MTUS1: variants seen among roughly 807,000 people sequenced by gnomAD.
MTUS1 encodes the protein microtubule associated scaffold protein 1, also known as microtubule-associated tumor suppressor 1.
In MTUS1, 109 loss-of-function variants were observed where a neutral mutation model predicts 120.8. The observed-to-expected ratio is 0.90, with a 90% CI of 0.77 to 1.06. The LOEUF (loss-of-function observed/expected upper bound fraction) is 1.06. Among genes scored for constraint, MTUS1 ranks in the 50% least tolerant of loss-of-function variants. The pLI is 0.00. For missense variants in MTUS1, 2,210 were observed against 1,486.3 expected (o/e 1.49, Z -8.01); for synonymous variants, 737 against 550.5 (o/e 1.34, Z -4.74).
At position 17,656,000 on chromosome 8, in the gene MTUS1, C is replaced by A; in HGVS notation, c.2971G>T (p.Ala991Ser). ...ARNELQTVYE[A>S]FVQQHQAEKT... is the part of the protein sequence containing the mutation. ...TCAGCCTGGTGCTGCTGGACGAATG[C>A]TTCATACACTGTTTGTAACTCATTC... Residue 991 changes from alanine to serine, a missense_variant, in exon 9 of 15, where the codon GCA becomes TCA. Transcript: ENST00000693296. 1 of 1,614,200 alleles carries A rather than the reference C, an allele frequency of 6.2e-7. No individual in the cohort carries two copies. Among genetic ancestry groups the A allele is most frequent in the African/African-American group, 1.3e-5 (1 of 75,058 alleles).
intron 8 of MTUS1, among the ~76,000 whole-genome samples, chr8:17,671,104 T>C (rs1040783238): frequency 1.3e-5 from 2 of 152,136 alleles, no homozygotes; most frequent in Admixed American, 1.3e-4. Context: ...ATGGAATAAT[T>C]AGCATTCCGC....
intron 8 of MTUS1, among the ~76,000 whole-genome samples, chr8:17,667,647 A>C (rs1216318198): frequency 2.0e-5 from 3 of 152,266 alleles, no homozygotes; most frequent in Admixed American, 6.5e-5. Context: ...AGTAGCTATC[A>C]ATGCAAACGA....
intron 6 of MTUS1, among the ~76,000 whole-genome samples, chr8:17,701,743 G>A (rs1025664350): frequency 8.6e-5 from 13 of 152,014 alleles, no homozygotes; most frequent in African/African-American, 2.9e-4. Flanking sequence ...TAGAGACAGG[G>A]TTTCACCGTG....
rs1554533204 is a variant in MTUS1 at position 17,767,700 on chromosome 8, T to TAAGAAAAAAAAAAAAAAAAAAAAAAAAAA, written c.-154-11740_-154-11739insTTTTTTTTTTTTTTTTTTTTTTTTTTCTT. Among the ~76,000 whole-genome samples, 7 of 87,874 alleles carry TAAGAAAAAAAAAAAAAAAAAAAAAAAAAA rather than the reference T, an allele frequency of 8.0e-5. 3 individuals are homozygous for TAAGAAAAAAAAAAAAAAAAAAAAAAAAAA. The highest frequency in any genetic ancestry group is 3.6e-4 in the African/African-American group (7 of 19,664). The allele number at this position is 87,874 out of a possible 152,430, so 57.6% of individuals were successfully genotyped here. ...GGTGATAGAGCAAGACCCTGTCTCTTAAAAAAAAAAAAAAAAAACGGTGTG... is the reference window on the plus strand; with the variant it reads ...GGTGATAGAGCAAGACCCTGTCTCTTAAGAAAAAAAAAAAAAAAAAAAAAAAAAAAAAAAAAAAAAAAAAAAACGGTGTG... On this transcript the variant is annotated intron_variant, in intron 1 of 14. Coordinates refer to ENST00000693296, the MANE Select transcript of MTUS1 (RefSeq NM_001363059.2).
intron 6 of MTUS1, among the ~76,000 whole-genome samples, chr8:17,698,323 A>T (rs968217518): frequency 3.9e-5 from 6 of 152,222 alleles, no homozygotes; most frequent in African/African-American, 1.4e-4. Context: ...ATCTTTTGCC[A>T]GTTATCTACT....
At chr8:17,659,933 T>C (rs1029505076) in intron 8 of MTUS1, among the ~76,000 whole-genome samples, 1 of 152,160 alleles carries the variant, frequency 6.6e-6, no homozygotes, top group Admixed American at 6.5e-5. Context: ...TCTTTCTCTA[T>C]GAATCTGACC....
chr8:17,767,626 G>A (rs544820643), intron 1 of MTUS1, among the ~76,000 whole-genome samples: 62 of 149,466 alleles, frequency 4.1e-4, no homozygotes, highest in African/African-American at 1.4e-3. Flanking sequence ...CTGAGCCCAG[G>A]ATTTCGAGGT....
intron 6 of MTUS1, among the ~76,000 whole-genome samples, chr8:17,687,771 C>A (rs1270170522): frequency 6.6e-6 from 1 of 152,192 alleles, no homozygotes; most frequent in Admixed American, 6.5e-5. Flanking sequence ...TGGAAAGCAG[C>A]TGGATGACCC....
At chr8:17,658,436 A>G (rs11203883) in intron 8 of MTUS1, among the ~76,000 whole-genome samples, 3,873 of 152,316 alleles carry the variant, frequency 0.025, 117 homozygotes, top group African/African-American at 0.07. Context: ...ATATGTACAC[A>G]CACTACAATA....
Position 17,724,191 on chromosome 8 carries a change from C to A in MTUS1, c.2288-358G>T, listed in dbSNP as rs2904724. 21 of 448,074 alleles carry A rather than the reference C, an allele frequency of 4.7e-5. 1 individual carries two copies. The highest frequency in any genetic ancestry group is 3.1e-4 in the South Asian group (19 of 61,386). The allele number at this position is 448,074 out of a possible 1,614,324, so 27.8% of individuals were successfully genotyped here. A position where few individuals can be genotyped will look rare whatever the true frequency, so the allele number is the denominator to read the frequency against. ...AAATAAAAAAATAAACAAATTGATA[C>A]GACCCCCCATACTGGTGACTAAAAA... On this transcript the variant is annotated intron_variant, in intron 3 of 14. Coordinates refer to ENST00000693296, the MANE Select transcript of MTUS1 (RefSeq NM_001363059.2).
At chr8:17,732,086 C>A (rs939389468) in intron 3 of MTUS1, among the ~76,000 whole-genome samples, 15 of 152,210 alleles carry the variant, frequency 9.9e-5, no homozygotes, top group Admixed American at 1.3e-4. Context: ...TTGCTTCCAG[C>A]CTTTGAATGC....
At chr8:17,683,438 A>G (rs1266491386) in intron 7 of MTUS1, among the ~76,000 whole-genome samples, 1 of 152,190 alleles carries the variant, frequency 6.6e-6, no homozygotes. Context: ...ACAAAACTAC[A>G]GAACAACCAA....
chr8:17,740,654 A>T (rs1222667556), intron 3 of MTUS1, among the ~76,000 whole-genome samples: 1 of 152,214 alleles, frequency 6.6e-6, no homozygotes, highest in Non-Finnish European at 1.5e-5. Context: ...GAATCAAATT[A>T]GTCTTCTTAG....
rs75324287 is a variant in MTUS1, at chr8:17,779,249, T to A, written c.-155+21812A>T. 2.8e-4 allele frequency among the ~76,000 whole-genome samples: 43 copies of A among 152,324 alleles called. No individual in the cohort carries two copies. The East Asian group carries it at 7.5e-3, about 27-fold the overall frequency. ...GTTACAGTTTACTATTTTGCTGTGA[T>A]AAGGATTATGGCCTCCTACATAAGA... On this transcript the variant is annotated intron_variant, in intron 1 of 14. Coordinates refer to ENST00000693296, the MANE Select transcript of MTUS1 (RefSeq NM_001363059.2).
intron 4 of MTUS1, among the ~76,000 whole-genome samples, chr8:17,718,802 G>A (rs955916596): frequency 2.6e-5 from 4 of 151,596 alleles, no homozygotes; most frequent in South Asian, 2.1e-4. Flanking sequence ...TAAAGGAGCT[G>A]GTGAGTCTAA....
intron 6 of MTUS1, 135 bp downstream of exon 6, chr8:17,713,079 T>C: frequency 1.4e-6 from 1 of 737,068 alleles, no homozygotes; most frequent in Non-Finnish European, 2.4e-6. Context: ...CGACCCGTCA[T>C]AAAAAGTTAG....
At chr8:17,774,419 G>C (rs779727479) in intron 1 of MTUS1, among the ~76,000 whole-genome samples, 1 of 152,190 alleles carries the variant, frequency 6.6e-6, no homozygotes, top group Admixed American at 6.5e-5. Context: ...GGAAGAAAAT[G>C]AAAGTAAGTT....
In MTUS1 at chr8:17,753,377, T is replaced by A. The variant is rs187168496; in HGVS notation, c.2091+340A>T. On this transcript the variant is annotated intron_variant, in intron 2 of 14. Transcript: ENST00000693296. ...TACATTTTAAAGTTGACAACCCAAC[T>A]TTTTCAGAAAAATAAAATATAACCT... Among the ~76,000 whole-genome samples, 17 of 152,302 alleles carry A rather than the reference T, an allele frequency of 1.1e-4. No homozygotes were observed. The East Asian group carries it at 1.9e-3, about 17-fold the overall frequency.
intron 3 of MTUS1, among the ~76,000 whole-genome samples, chr8:17,740,207 C>G (rs1296939151): frequency 7.9e-6 from 1 of 126,482 alleles, no homozygotes; most frequent in Non-Finnish European, 1.7e-5. Context: ...GACTCCGTCT[C>G]AAAAAAAAAA....
Sources: allele counts gnomAD v4.1 joint callset (sites outside exome capture counted in the v4.1 genomes callset), GRCh38; gene constraint gnomAD v4.1.1; transcripts MANE v1.5; gene names NCBI Gene and HGNC (gene_info 2026-07-23, HGNC 2026-07-21).